The following MTUS2 variants were observed in gnomAD, a reference collection of about 807,000 sequenced individuals.
MTUS2 encodes the protein microtubule associated scaffold protein 2, also known as microtubule-associated tumor suppressor candidate 2.
A neutral mutation model predicts 114.1 loss-of-function variants in MTUS2; 40 were observed. The observed-to-expected ratio is 0.35, with a 90% CI of 0.27 to 0.46. The LOEUF (loss-of-function observed/expected upper bound fraction) is 0.46. MTUS2 is among the 20% of genes least tolerant of loss of function. The pLI is 1.00. For missense variants in MTUS2, 1,679 were observed against 1,705.4 expected (o/e 0.98, Z 0.27); for synonymous variants, 688 against 672.0 (o/e 1.02, Z -0.37).
At chr13:29,001,209 C>G (rs1290582919) in intron 2 of MTUS2, among the ~76,000 whole-genome samples, 2 of 152,114 alleles carry the variant, frequency 1.3e-5, no homozygotes, top group African/African-American at 4.8e-5. Context: ...ACTGGAGGGT[C>G]TTGAAGAGAG....
At chr13:28,966,369 T>G (rs1883583027) in intron 2 of MTUS2, among the ~76,000 whole-genome samples, 1 of 152,190 alleles carries the variant, frequency 6.6e-6, no homozygotes, top group South Asian at 2.1e-4. Context: ...TTGGAAATAC[T>G]TAGATTTTGC....
At chr13:29,389,963 C>T (rs1250725814) in intron 8 of MTUS2, among the ~76,000 whole-genome samples, 3 of 95,850 alleles carry the variant, frequency 3.1e-5, no homozygotes, top group African/African-American at 1.3e-4. Context: ...GTGTATATAT[C>T]TGTGTATATA....
chr13:29,458,835 A>G (rs1016397906), intron 9 of MTUS2, among the ~76,000 whole-genome samples: 4 of 152,246 alleles, frequency 2.6e-5, no homozygotes, highest in African/African-American at 7.2e-5. Context: ...ACCCCCAAAC[A>G]TAATGAAATA....
At chr13:29,204,719 A>G (rs7338024) in intron 5 of MTUS2, among the ~76,000 whole-genome samples, 112,549 of 152,226 alleles carry the variant, frequency 0.74, 41,718 homozygotes, top group East Asian at 0.8. Context: ...GCAGTGTAGT[A>G]GTCGGAACGT....
At chr13:29,409,776 A>G (rs1312191683) in intron 8 of MTUS2, among the ~76,000 whole-genome samples, 1 of 150,372 alleles carries the variant, frequency 6.7e-6, no homozygotes, top group East Asian at 1.9e-4. Flanking sequence ...AGATAAGTTC[A>G]TGGACATTTT....
chr13:29,475,733 C>T (rs997992500), intron 9 of MTUS2, among the ~76,000 whole-genome samples: 3 of 152,078 alleles, frequency 2.0e-5, no homozygotes, highest in African/African-American at 7.2e-5. Context: ...GTTTGAACAG[C>T]TTTACAGTGT....
intron 2 of MTUS2, among the ~76,000 whole-genome samples, chr13:28,867,193 G>C (rs1877348495): frequency 6.6e-6 from 1 of 152,168 alleles, no homozygotes; most frequent in African/African-American, 2.4e-5. Context: ...CTGAAGGAAG[G>C]ACCTGTGCTC....
At chr13:29,472,992 C>G (rs1183472841) in intron 9 of MTUS2, among the ~76,000 whole-genome samples, 1 of 151,930 alleles carries the variant, frequency 6.6e-6, no homozygotes, top group Non-Finnish European at 1.5e-5. Context: ...TCAATTACTC[C>G]CAATCTCTTG....
intron 8 of MTUS2, among the ~76,000 whole-genome samples, chr13:29,408,650 T>G (rs1874972330): frequency 6.6e-6 from 1 of 152,116 alleles, no homozygotes; most frequent in Non-Finnish European, 1.5e-5. Flanking sequence ...CTGGAAACAG[T>G]TTTTGTTATG....
At chr13:29,392,139 A>AAT (rs926065768) in intron 8 of MTUS2, among the ~76,000 whole-genome samples, 1 of 42,444 alleles carries the variant, frequency 2.4e-5, no homozygotes, top group African/African-American at 5.3e-5. Context: ...AAAAAAAAAA[A>AAT]ACAAACCAAA....
At chr13:28,997,981 A>T (rs1408962142) in intron 2 of MTUS2, among the ~76,000 whole-genome samples, 1 of 152,190 alleles carries the variant, frequency 6.6e-6, no homozygotes, top group Admixed American at 6.5e-5. Context: ...GTTTCTTCTT[A>T]GCTTTGATAT....
chr13:29,460,826 C>G (rs1020463994), intron 9 of MTUS2, among the ~76,000 whole-genome samples: 1 of 150,350 alleles, frequency 6.7e-6, no homozygotes, highest in South Asian at 2.1e-4. Context: ...TTTTTTCTTA[C>G]TAAAAAATAT....
chr13:29,197,460 G>A (rs947812509), intron 5 of MTUS2, among the ~76,000 whole-genome samples: 5 of 152,092 alleles, frequency 3.3e-5, no homozygotes, highest in Non-Finnish European at 7.3e-5. Context: ...TCTTTATCCA[G>A]TCTATCATTG....
intron 2 of MTUS2, among the ~76,000 whole-genome samples, chr13:28,987,132 G>A (rs1011952033): frequency 9.9e-5 from 15 of 152,114 alleles, no homozygotes; most frequent in African/African-American, 3.4e-4. Flanking sequence ...TGGACCCCTC[G>A]GACTCTCCTG....
intron 15 of MTUS2, among the ~76,000 whole-genome samples, chr13:29,501,886 C>G (rs1407069380): frequency 6.6e-6 from 1 of 152,158 alleles, no homozygotes; most frequent in Non-Finnish European, 1.5e-5. Context: ...CACTCAGGCA[C>G]ACTCTCATAC....
chr13:29,433,240 C>T (rs1181392317), intron 8 of MTUS2, among the ~76,000 whole-genome samples: 2 of 152,206 alleles, frequency 1.3e-5, no homozygotes, highest in East Asian at 3.8e-4. Context: ...CCCACATGCA[C>T]AAAGGCAAAG....
intron 5 of MTUS2, among the ~76,000 whole-genome samples, chr13:29,228,865 A>G (rs74331629): frequency 4.8e-4 from 73 of 152,268 alleles, no homozygotes; most frequent in African/African-American, 1.6e-3. Context: ...GAAAAAATGC[A>G]CAGGTTTGTG....
At chr13:29,317,966 T>C (rs2014127271) in intron 6 of MTUS2, among the ~76,000 whole-genome samples, 1 of 152,200 alleles carries the variant, frequency 6.6e-6, no homozygotes, top group African/African-American at 2.4e-5. Flanking sequence ...ATCACTTGCG[T>C]TGTGGCCACC....
At chr13:29,118,883 G>A (rs947620086) in intron 5 of MTUS2, among the ~76,000 whole-genome samples, 2 of 152,168 alleles carry the variant, frequency 1.3e-5, no homozygotes, top group Non-Finnish European at 2.9e-5. Flanking sequence ...AGTGGACGGT[G>A]AGTCCTGAGA....
Sources: allele counts gnomAD v4.1 joint callset (sites outside exome capture counted in the v4.1 genomes callset), GRCh38; gene constraint gnomAD v4.1.1; transcripts MANE v1.5; gene names NCBI Gene and HGNC (gene_info 2026-07-23, HGNC 2026-07-21).